LRP3: variants seen among roughly 807,000 people sequenced by gnomAD.
The protein encoded by LRP3 is LDL receptor related protein 3, also known as low-density lipoprotein receptor-related protein 3.
Under a neutral mutation model 58.5 loss-of-function variants are expected in LRP3, and 49 were observed. The ratio of observed to expected loss-of-function variants is 0.84; its 90% confidence interval spans 0.67 to 1.06. The LOEUF is 1.06. Among genes scored for constraint, LRP3 ranks in the 50% least tolerant of loss-of-function variants. The pLI, the probability that LRP3 is intolerant of heterozygous loss-of-function variation, is 0.00. For synonymous variants in LRP3, 485 were observed against 492.2 expected (o/e 0.99, Z 0.20); for missense variants, 1,019 against 1,134.2 (o/e 0.90, Z 1.46).
Position 33,196,745 on chromosome 19 carries a change from C to T in LRP3, c.89C>T (p.Thr30Ile), listed in dbSNP as rs751054390. ...AVVCLVNIFL[T>I]GRLSSAVPAL... ...TCTCCCACAGTGAACATCTTTCTCA[C>T]CGGGAGACTCAGCAGTGCGGTTCCT... is the stretch of plus-strand genomic sequence containing the variant. The change falls in exon 2 of 7, where the codon ACC (threonine) becomes ATC (isoleucine). Residue 30 changes from threonine to isoleucine, a missense_variant. Coordinates refer to ENST00000253193, the MANE Select transcript of LRP3 (RefSeq NM_002333.4). 4.3e-6 allele frequency: 7 copies of T among 1,614,062 alleles called. No individual in the cohort carries two copies. The highest frequency in any genetic ancestry group is 4.2e-6 in the Non-Finnish European group (5 of 1,180,010).
chr19:33,206,224 A>G lies in LRP3; in HGVS notation c.1454A>G (p.Asp485Gly). Residue 485 changes from aspartate to glycine, a missense_variant, in exon 5 of 7, where the codon GAT (aspartate) becomes GGT (glycine). Transcript: ENST00000253193. ...CAGGAAGACTGCCAGGACGGCAGCG[A>G]TGAGCATGGGTGCCTGGCCGCCGTG... ...DGQEDCQDGS[D>G]EHGCLAAVPR... 6.3e-7 allele frequency: 1 copy of G among 1,596,844 alleles called. No homozygotes were observed.
chr19:33,205,930 G>C lies in LRP3; in HGVS notation c.1160G>C (p.Gly387Ala). 6.3e-7 allele frequency: 1 copy of C among 1,598,874 alleles called. No individual in the cohort carries two copies. Residue 387 changes from glycine (G) to alanine (A), a missense_variant, in exon 5 of 7, where the codon GGC (glycine) becomes GCC (alanine). By Grantham distance (60) the Gly-to-Ala change is moderately conservative (BLOSUM62 0). This residue lies in a region of LRP3 where 592 missense variants were observed against 725.5 expected (regional missense o/e 0.82). Transcript: ENST00000253193. ...SSSDSDGGSL[G>A]DQGCFSEPQR... Reference sequence around the variant, plus strand: ...AGTGACAGTGACGGGGGCAGCCTGGGCGACCAGGGCTGCTTCTCAGAGCCA... The same window carrying C: ...AGTGACAGTGACGGGGGCAGCCTGGCCGACCAGGGCTGCTTCTCAGAGCCA...
At position 33,205,764 on chromosome 19, in the gene LRP3, C is replaced by T. The variant is rs1441326713; in HGVS notation, c.994C>T (p.Arg332Trp). 14 of 1,590,248 alleles carry T rather than the reference C, an allele frequency of 8.8e-6. No homozygotes were observed. The highest frequency in any genetic ancestry group is 2.7e-5 in the African/African-American group (2 of 74,692). ...LQTLSYRSNH[R>W]PVSLEAAQGR... ...GACGCTGTCCTACCGCAGCAACCAC[C>T]GGCCCGTGAGCCTGGAGGCCGCCCA... Residue 332 changes from arginine (R) to tryptophan (W), a missense_variant, in exon 5 of 7, where the codon CGG (arginine) becomes TGG (tryptophan). This residue lies in a region of LRP3 where 592 missense variants were observed against 725.5 expected (regional missense o/e 0.82). Transcript: ENST00000253193.
At chr19:33,206,910 G>A in intron 6 of LRP3, 78 bp from the exon 7 acceptor site, 1 of 1,237,470 alleles carries the variant, frequency 8.1e-7, no homozygotes, top group Non-Finnish European at 1.1e-6. Flanking sequence ...CCTTGGGGGT[G>A]TGCTGTCTCC....
chr19:33,203,062 G>A, intron 3 of LRP3, 76 bp downstream of exon 3: 2 of 1,537,024 alleles, frequency 1.3e-6, no homozygotes, highest in Non-Finnish European at 8.8e-7. Context: ...GTGTGTGTGT[G>A]AGCAGGTGTG....
At chr19:33,200,313 C>G (rs1301902279) in intron 2 of LRP3, among the ~76,000 whole-genome samples, 2 of 152,132 alleles carry the variant, frequency 1.3e-5, no homozygotes, top group African/African-American at 4.8e-5. Context: ...TTCACCACAA[C>G]ATCCGCCTCC....
chr19:33,196,409 A>G lies in LRP3; in HGVS notation c.74-321A>G, dbSNP rs1379489051. On this transcript the variant is annotated intron_variant, in intron 1 of 6. Coordinates refer to ENST00000253193, the MANE Select transcript of LRP3 (RefSeq NM_002333.4). Reference sequence around the variant, plus strand: ...CTCTACAAAAATAAAAAATAAAAAAATAACCAGGCATAGTGGTGCACACCT... The same window carrying G: ...CTCTACAAAAATAAAAAATAAAAAAGTAACCAGGCATAGTGGTGCACACCT... Among the ~76,000 whole-genome samples, 4 of 152,342 alleles carry G rather than the reference A, an allele frequency of 2.6e-5. No individual in the cohort carries two copies. The East Asian group carries it at 5.8e-4, about 22-fold the overall frequency.
rs1300048891 is a variant in LRP3 at position 33,205,733 on chromosome 19, G to T, written c.963G>T (p.Leu321=). Residue 321 remains leucine (L), a synonymous_variant, in exon 5 of 7, where the codon CTG becomes CTT. Transcript: ENST00000253193. The part of the protein sequence containing the change: ...YEGLGERGDR[L]LQTLSYRSNH... ...GCCTGGGCGAGCGCGGGGACCGCCT[G>T]CTGCAGACGCTGTCCTACCGCAGCA... The T allele has an allele frequency of 6.3e-7, 1 of 1,597,906 alleles. No homozygotes were observed.
In LRP3 at chr19:33,202,843, G is replaced by A. The variant is rs532488922; in HGVS notation, c.122-5G>A. 151 of 1,605,696 alleles carry A rather than the reference G, an allele frequency of 9.4e-5. No homozygotes were observed. The Admixed American group carries it at 1.3e-3, about 14-fold the overall frequency. On this transcript the variant is annotated splice_polypyrimidine_tract_variant and splice_region_variant and intron_variant, in intron 2 of 6. Transcript: ENST00000253193. ...CCGGCCTTTCTCGGCCTCCTCTCCC[G>A]ACAGCGGCCTGCAGTGGGAAGCTGG...
chr19:33,202,118 C>A (rs969205925), intron 2 of LRP3, among the ~76,000 whole-genome samples: 1 of 149,166 alleles, frequency 6.7e-6, no homozygotes, highest in Non-Finnish European at 1.5e-5. Flanking sequence ...AGCCTGTTTC[C>A]TCACCTGGTT....
chr19:33,205,772 G>GCTGCTGGTCCTACCGCAGCAACCACC lies in LRP3; in HGVS notation c.1002_1003insCTGCTGGTCCTACCGCAGCAACCACC (p.Ser335LeufsTer39). 1 of 1,589,104 alleles carries GCTGCTGGTCCTACCGCAGCAACCACC rather than the reference G, an allele frequency of 6.3e-7. No homozygotes were observed. The highest frequency in any genetic ancestry group is 8.5e-7 in the Non-Finnish European group (1 of 1,171,370). On this transcript the variant is annotated frameshift_variant, in exon 5 of 7. Coordinates refer to ENST00000253193, the MANE Select transcript of LRP3 (RefSeq NM_002333.4). LOFTEE classifies it high-confidence loss of function. ...CCTACCGCAGCAACCACCGGCCCGT[G>GCTGCTGGTCCTACCGCAGCAACCACC]AGCCTGGAGGCCGCCCAGGGCCGCC...
chr19:33,194,782 C>G lies in LRP3; in HGVS notation c.-4C>G. 1 of 1,007,600 alleles carries G rather than the reference C, an allele frequency of 9.9e-7. No homozygotes were observed. The highest frequency in any genetic ancestry group is 4.5e-5 in the South Asian group (1 of 22,238). The allele number at this position is 1,007,600 out of a possible 1,614,324, so 62.4% of individuals were successfully genotyped here. A position where few individuals can be genotyped will look rare whatever the true frequency, so the allele number is the denominator to read the frequency against. ...GGCGGCGCCCGCGGGCGGCCGGGCC[C>G]GGCATGGAGAAGCGCGCGGCCGCGG... On this transcript the variant is annotated 5_prime_UTR_variant, in exon 1 of 7. Coordinates refer to ENST00000253193, the MANE Select transcript of LRP3 (RefSeq NM_002333.4).
Position 33,204,727 on chromosome 19 carries a change from T to A in LRP3, c.350T>A (p.Phe117Tyr), listed in dbSNP as rs1192821411. 1 of 1,611,542 alleles carries A rather than the reference T, an allele frequency of 6.2e-7. No homozygotes were observed. The highest frequency in any genetic ancestry group is 1.7e-5 in the Admixed American group (1 of 60,024). The change falls in exon 4 of 7, where the codon TTC (phenylalanine) becomes TAC (tyrosine). Residue 117 changes from phenylalanine to tyrosine, a missense_variant. Transcript: ENST00000253193. ...GCAGCCCCACCCCGCCAGGAGGCCT[T>A]CCGCCTCTGTGGCTCCGCCATCCCA... ...GPAAPPRQEA[F>Y]RLCGSAIPPA...
At chr19:33,201,391 G>A (rs1252207432) in intron 2 of LRP3, among the ~76,000 whole-genome samples, 1 of 150,808 alleles carries the variant, frequency 6.6e-6, no homozygotes, top group Admixed American at 6.6e-5. Flanking sequence ...CCTCCAATGT[G>A]AGAGATCGGA....
At position 33,205,521 on chromosome 19, in the gene LRP3, G is replaced by A. The variant is rs934363658; in HGVS notation, c.751G>A (p.Asp251Asn). ...GDGSDEAGCP[D>N]LACGRRLGSF... ...CGGCTCGGATGAGGCGGGCTGCCCC[G>A]ACCTGGCGTGCGGCCGGCGGCTGGG... Residue 251 changes from aspartate (D) to asparagine (N), a missense_variant, in exon 5 of 7, where the codon GAC becomes AAC. Physicochemically the swap from Asp to Asn is conservative, Grantham distance 23. Around this residue, in one of 2 missense-constraint regions of LRP3, gnomAD observed 592 missense variants for 725.5 expected, o/e 0.82. Coordinates refer to ENST00000253193, the MANE Select transcript of LRP3 (RefSeq NM_002333.4). 3.8e-6 allele frequency: 6 copies of A among 1,560,420 alleles called. No homozygotes were observed. Among genetic ancestry groups the A allele is most frequent in the South Asian group, 2.4e-5 (2 of 83,912 alleles).
Position 33,205,742 on chromosome 19 carries a change from G to T in LRP3, c.972G>T (p.Thr324=), listed in dbSNP as rs1448026335. Residue 324 remains threonine, a synonymous_variant, in exon 5 of 7, where the codon ACG becomes ACT. Coordinates refer to ENST00000253193, the MANE Select transcript of LRP3 (RefSeq NM_002333.4). ...LGERGDRLLQ[T]LSYRSNHRPV... ...AGCGCGGGGACCGCCTGCTGCAGAC[G>T]CTGTCCTACCGCAGCAACCACCGGC... 1 of 1,596,918 alleles carries T rather than the reference G, an allele frequency of 6.3e-7. No individual in the cohort carries two copies. Among genetic ancestry groups the T allele is most frequent in the Non-Finnish European group, 8.5e-7 (1 of 1,176,384 alleles).
At position 33,207,297 on chromosome 19, in the gene LRP3, C is replaced by A. The variant is rs771700028; in HGVS notation, c.2035C>A (p.Pro679Thr). The part of the protein sequence containing the change: ...SAPGRAPEVG[P>T]SGPPLPSGLR... ...CCCCGGCCGTGCACCGGAGGTGGGA[C>A]CTTCAGGGCCACCCTTGCCCTCGGG... Residue 679 changes from proline to threonine, a missense_variant, in exon 7 of 7, where the codon CCT becomes ACT. Pro to Thr is a conservative substitution (Grantham distance 38). Transcript: ENST00000253193. 1.6e-5 allele frequency: 25 copies of A among 1,561,360 alleles called. No individual in the cohort carries two copies. In the South Asian group the frequency reaches 2.7e-4, roughly 17 times the overall value.
chr19:33,207,285 C>T lies in LRP3; in HGVS notation c.2023C>T (p.Pro675Ser). The change falls in exon 7 of 7, where the codon CCG becomes TCG. Residue 675 changes from proline (P) to serine (S), a missense_variant. Physicochemically the swap from Pro to Ser is moderately conservative, Grantham distance 74. Coordinates refer to ENST00000253193, the MANE Select transcript of LRP3 (RefSeq NM_002333.4). Reference sequence around the variant, plus strand: ...GCCCCCCAGTGCCCCCGGCCGTGCACCGGAGGTGGGACCTTCAGGGCCACC... The same window carrying T: ...GCCCCCCAGTGCCCCCGGCCGTGCATCGGAGGTGGGACCTTCAGGGCCACC... Reference protein sequence around the residue: ...DRPPSAPGRAPEVGPSGPPLP... With the variant: ...DRPPSAPGRASEVGPSGPPLP... 1 of 1,558,686 alleles carries T rather than the reference C, an allele frequency of 6.4e-7. No individual in the cohort carries two copies. The highest frequency in any genetic ancestry group is 8.6e-7 in the Non-Finnish European group (1 of 1,160,134).
intron 2 of LRP3, 149 bp downstream of exon 2, chr19:33,196,926 G>A: frequency 1.4e-6 from 1 of 730,442 alleles, no homozygotes; most frequent in Non-Finnish European, 2.4e-6. Context: ...GCTTTGGACA[G>A]GCTTCAACTT....
Sources: gnomAD v4.1 joint callset for allele counts (sites outside exome capture counted in the v4.1 genomes callset) on GRCh38, gnomAD v4.1.1 for gene constraint, gnomAD v4.1.1 regional missense constraint, MANE v1.5 for transcripts, NCBI Gene and HGNC (gene_info 2026-07-23, HGNC 2026-07-21) for gene names.